EEIG2: variants seen among roughly 807,000 people sequenced by gnomAD.
EEIG2 encodes the protein family with sequence similarity 102 member B.
the EEIG2 span, among the ~76,000 whole-genome samples, chr1:108,634,623 G>A: frequency 2.6e-5 from 4 of 152,154 alleles, no homozygotes; most frequent in African/African-American, 9.7e-5. Context: ...GAGCCCAGGA[G>A]TTCTGGTTGC....
At chr1:108,562,190 A>G in the EEIG2 span, among the ~76,000 whole-genome samples, 1 of 152,220 alleles carries the variant, frequency 6.6e-6, no homozygotes, top group South Asian at 2.1e-4. Flanking sequence ...GGTAAGTGCG[A>G]TGCCAAGATT....
chr1:108,560,276 G>C, the EEIG2 span: 2 of 351,976 alleles, frequency 5.7e-6, no homozygotes, highest in African/African-American at 4.5e-5. Context: ...GGCGGCAGCG[G>C]CCCCGGCCGC....
chr1:108,588,329 G>A, the EEIG2 span, among the ~76,000 whole-genome samples: 1 of 152,262 alleles, frequency 6.6e-6, no homozygotes, highest in South Asian at 2.1e-4. Flanking sequence ...CACCAGCGGT[G>A]TGAAAGGGTT....
At chr1:108,592,562 G>T in the EEIG2 span, among the ~76,000 whole-genome samples, 1 of 152,144 alleles carries the variant, frequency 6.6e-6, no homozygotes, top group African/African-American at 2.4e-5. Context: ...CAGTATCTAT[G>T]TGTTCGGATA....
the EEIG2 span, among the ~76,000 whole-genome samples, chr1:108,602,513 A>G: frequency 6.6e-6 from 1 of 152,128 alleles, no homozygotes; most frequent in Non-Finnish European, 1.5e-5. Flanking sequence ...TTCTCTGTCA[A>G]AATTTCCTGT....
the EEIG2 span, among the ~76,000 whole-genome samples, chr1:108,582,651 G>A: frequency 1.7e-5 from 1 of 58,050 alleles, no homozygotes; most frequent in African/African-American, 6.1e-5. Context: ...TTGGATAGAA[G>A]ACTTAACAGA....
chr1:108,582,715 C>T, the EEIG2 span, among the ~76,000 whole-genome samples: 2 of 152,140 alleles, frequency 1.3e-5, no homozygotes, highest in Admixed American at 6.6e-5. Context: ...TGCCCTCCAG[C>T]TCTGTAGCAG....
At chr1:108,623,711 G>A in the EEIG2 span, among the ~76,000 whole-genome samples, 532 of 151,484 alleles carry the variant, frequency 3.5e-3, 12 homozygotes, top group South Asian at 0.051. Flanking sequence ...TCGCTCTGTC[G>A]CCCAGGCTGG....
At chr1:108,604,068 C>G in the EEIG2 span, among the ~76,000 whole-genome samples, 5 of 152,266 alleles carry the variant, frequency 3.3e-5, no homozygotes, top group East Asian at 9.7e-4. Flanking sequence ...TAAAACCAAT[C>G]AAAGATATCG....
the EEIG2 span, chr1:108,629,616 T>C: frequency 1.2e-6 from 2 of 1,611,594 alleles, no homozygotes; most frequent in South Asian, 2.2e-5. Context: ...TTGTGGGTCC[T>C]GGGGGAAGTA....
the EEIG2 span, among the ~76,000 whole-genome samples, chr1:108,624,039 C>T: frequency 3.9e-4 from 60 of 152,124 alleles, 1 homozygote; most frequent in East Asian, 0.01. Flanking sequence ...ACAGCTTTTA[C>T]GTGGAATAGG....
the EEIG2 span, among the ~76,000 whole-genome samples, chr1:108,599,534 T>C: frequency 6.6e-6 from 1 of 152,122 alleles, no homozygotes; most frequent in Admixed American, 6.5e-5. Flanking sequence ...GAGAACAGTA[T>C]GTACAAAGGC....
chr1:108,602,423 C>A, the EEIG2 span, among the ~76,000 whole-genome samples: 2 of 152,300 alleles, frequency 1.3e-5, no homozygotes, highest in African/African-American at 4.8e-5. Flanking sequence ...CATTCCTTGA[C>A]TTGTGGATAC....
chr1:108,609,797 G>A, the EEIG2 span, among the ~76,000 whole-genome samples: 1 of 152,094 alleles, frequency 6.6e-6, no homozygotes, highest in African/African-American at 2.4e-5. Context: ...GCAAACTTAT[G>A]CAGGAACAGA....
the EEIG2 span, chr1:108,600,694 A>T: frequency 6.2e-7 from 1 of 1,602,068 alleles, no homozygotes; most frequent in Non-Finnish European, 8.5e-7. Context: ...AAGGTATAAA[A>T]ATAGCCTATT....
chr1:108,633,815 A>G, the EEIG2 span, among the ~76,000 whole-genome samples: 3 of 151,844 alleles, frequency 2.0e-5, no homozygotes, highest in East Asian at 3.9e-4. Flanking sequence ...ATTTTCCCCA[A>G]CCCCTCCTTC....
At chr1:108,627,973 A>G in the EEIG2 span, 1 of 552,196 alleles carries the variant, frequency 1.8e-6, no homozygotes. Context: ...TCAGCGAACT[A>G]AGGTATTTAA....
chr1:108,612,777 A>G, the EEIG2 span, among the ~76,000 whole-genome samples: 3 of 152,236 alleles, frequency 2.0e-5, no homozygotes, highest in South Asian at 6.2e-4. Context: ...GCGAATGTAT[A>G]CTTCATAGAG....
At chr1:108,585,656 G>A in the EEIG2 span, among the ~76,000 whole-genome samples, 1 of 152,052 alleles carries the variant, frequency 6.6e-6, no homozygotes, top group Non-Finnish European at 1.5e-5. Flanking sequence ...TTCCTTCAAA[G>A]TAGAGCTATA....
Sources: allele counts gnomAD v4.1 joint callset (sites outside exome capture counted in the v4.1 genomes callset), GRCh38; gene constraint gnomAD v4.1.1; transcripts MANE v1.5; gene names NCBI Gene and HGNC (gene_info 2026-07-23, HGNC 2026-07-21).